MVB12B: variants seen among roughly 807,000 people sequenced by gnomAD.
The protein encoded by MVB12B is ESCRT-I complex subunit MVB12B.
In MVB12B, 16 loss-of-function variants were observed where a neutral mutation model predicts 41.6. The ratio of observed to expected loss-of-function variants is 0.38; its 90% CI spans 0.26 to 0.58. The LOEUF is 0.58. MVB12B is among the 20% of genes least tolerant of loss of function. The pLI is 0.62. For missense variants in MVB12B, 274 were observed against 380.2 expected, an observed-to-expected ratio of 0.72 and a Z score of 2.32; for synonymous variants, 133 against 139.7, an observed-to-expected ratio of 0.95 and a Z score of 0.34.
chr9:126,335,140 A>T (rs1031050717), intron 1 of MVB12B: 4 of 853,528 alleles, frequency 4.7e-6, no homozygotes, highest in African/African-American at 3.5e-5. Context: ...TATTTGCCTT[A>T]GTTGCCCAAC....
intron 7 of MVB12B, among the ~76,000 whole-genome samples, chr9:126,451,064 A>G (rs952898900): frequency 2.6e-5 from 4 of 151,976 alleles, no homozygotes; most frequent in Non-Finnish European, 5.9e-5. Context: ...AAGGTCACGT[A>G]CTCCACCCTA....
At chr9:126,501,131 G>C (rs1481146229) in intron 9 of MVB12B, among the ~76,000 whole-genome samples, 1 of 152,260 alleles carries the variant, frequency 6.6e-6, no homozygotes, top group Non-Finnish European at 1.5e-5. Context: ...GGAGTCTCCT[G>C]ACCGCGGCCT....
intron 6 of MVB12B, chr9:126,396,964 G>GCTCC (rs1831134208): frequency 1.0e-6 from 1 of 985,470 alleles, no homozygotes; most frequent in Non-Finnish European, 1.2e-6. Context: ...CCGCCCTGGA[G>GCTCC]GGCACTGCTG....
chr9:126,390,705 A>T (rs1348774301), intron 4 of MVB12B, among the ~76,000 whole-genome samples: 1 of 152,242 alleles, frequency 6.6e-6, no homozygotes, highest in Non-Finnish European at 1.5e-5. Context: ...TCACGCCTGT[A>T]ACCCCAGCAC....
intron 2 of MVB12B, among the ~76,000 whole-genome samples, chr9:126,342,749 A>C (rs933658680): frequency 6.6e-6 from 1 of 152,168 alleles, no homozygotes; most frequent in Non-Finnish European, 1.5e-5. Flanking sequence ...AGTTCAAGGA[A>C]GGCGGGGAGG....
chr9:126,422,567 T>G (rs892338294), intron 7 of MVB12B, among the ~76,000 whole-genome samples: 1 of 152,138 alleles, frequency 6.6e-6, no homozygotes, highest in Non-Finnish European at 1.5e-5. Flanking sequence ...GGTGACTTGC[T>G]AAGAGCCGAG....
chr9:126,345,120 C>T (rs1465251441), intron 2 of MVB12B, among the ~76,000 whole-genome samples: 2 of 152,068 alleles, frequency 1.3e-5, no homozygotes, highest in African/African-American at 4.8e-5. Context: ...GATATTAAAA[C>T]TCAGAGGATC....
intron 2 of MVB12B, among the ~76,000 whole-genome samples, chr9:126,343,433 A>C (rs1009331369): frequency 6.6e-6 from 1 of 152,220 alleles, no homozygotes; most frequent in African/African-American, 2.4e-5. Flanking sequence ...TTTTCGAAGA[A>C]TTGTAATGCT....
At chr9:126,482,166 G>A (rs545908505) in intron 8 of MVB12B, among the ~76,000 whole-genome samples, 1 of 138,370 alleles carries the variant, frequency 7.2e-6, no homozygotes, top group East Asian at 2.6e-4. Context: ...CCCTCCAATG[G>A]CGCCAGCCCC....
At position 126,381,139 on chromosome 9, in the gene MVB12B, CTG is replaced by C; in HGVS notation, c.284_285del (p.Cys95PhefsTer10). On this transcript the variant is annotated frameshift_variant, in exon 3 of 10. Transcript: ENST00000361171. LOFTEE classifies it high-confidence loss of function. ...ATTTAAATCCAAGGTTACCAGATAC[CTG>C]TGTTTCACAAGATCATTTTCCAAAG... is the stretch of plus-strand genomic sequence containing the variant. ...GLFKSKVTRY[L>X]CFTRSFSKEN... 1 of 1,613,990 alleles carries C rather than the reference CTG, an allele frequency of 6.2e-7. No homozygotes were observed. Among genetic ancestry groups the C allele is most frequent in the East Asian group, 2.2e-5 (1 of 44,876 alleles).
intron 7 of MVB12B, among the ~76,000 whole-genome samples, chr9:126,476,506 G>T (rs1353267940): frequency 6.6e-6 from 1 of 152,200 alleles, no homozygotes; most frequent in Non-Finnish European, 1.5e-5. Flanking sequence ...AATCATATGT[G>T]GGTGTGTGTA....
intron 1 of MVB12B, among the ~76,000 whole-genome samples, chr9:126,328,660 A>G (rs1829047341): frequency 6.6e-6 from 1 of 152,242 alleles, no homozygotes; most frequent in Non-Finnish European, 1.5e-5. Flanking sequence ...AGTCTAGCTC[A>G]GTGCCTGCTA....
chr9:126,334,615 GT>G (rs1194613494), intron 1 of MVB12B, among the ~76,000 whole-genome samples: 2 of 152,346 alleles, frequency 1.3e-5, no homozygotes, highest in East Asian at 3.9e-4. Flanking sequence ...CTCCAGGATG[GT>G]TTCATTTGTA....
chr9:126,392,307 T>C lies in MVB12B; in HGVS notation c.539+112T>C. The C allele has an allele frequency of 3.1e-6, 4 of 1,308,006 alleles. No individual in the cohort carries two copies. The highest frequency in any genetic ancestry group is 4.3e-6 in the Non-Finnish European group (4 of 932,300). The allele number at this position is 1,308,006 out of a possible 1,614,324, so 81.0% of individuals were successfully genotyped here. ...ATGCAGCCCCCCAGGCTCTCAGCCA[T>C]GGGCCTCTGTCAGCCCAGTGCTCCT... On this transcript the variant is annotated intron_variant, in intron 5 of 9. Transcript: ENST00000361171. This position sits in a 1 kb window ranked among gnomAD's most constrained non-coding sequence, Gnocchi z 4.8.
rs75948747 is a variant in MVB12B at position 126,459,589 on chromosome 9, G to A, written c.758-21780G>A. Among the ~76,000 whole-genome samples the A allele has an allele frequency of 5.0e-3, 767 of 152,314 alleles. 12 individuals are homozygous for A. Among genetic ancestry groups the A allele is most frequent in the African/African-American group, 0.018 (739 of 41,566 alleles). ...TTGTGTCTGAGGTCCCAGAGCCAAAGCCTCGGGAGGCTTGGGGCTAAGGAT... is the reference window on the plus strand; with the variant it reads ...TTGTGTCTGAGGTCCCAGAGCCAAAACCTCGGGAGGCTTGGGGCTAAGGAT... On this transcript the variant is annotated intron_variant, in intron 7 of 9. Transcript: ENST00000361171. This position sits in a 1 kb window ranked among gnomAD's most constrained non-coding sequence, Gnocchi z 4.3.
chr9:126,495,720 A>T (rs553319986), intron 9 of MVB12B, among the ~76,000 whole-genome samples: 1 of 152,176 alleles, frequency 6.6e-6, no homozygotes, highest in South Asian at 2.1e-4. Flanking sequence ...GGTGAGAATG[A>T]GGGTCTGGAA....
At chr9:126,388,531 C>T (rs1353708759) in intron 4 of MVB12B, among the ~76,000 whole-genome samples, 2 of 152,124 alleles carry the variant, frequency 1.3e-5, no homozygotes, top group Non-Finnish European at 2.9e-5. Flanking sequence ...CTTATGTTTT[C>T]GTTTCTGTTG....
chr9:126,445,078 A>G (rs1308273883), intron 7 of MVB12B, among the ~76,000 whole-genome samples: 1 of 152,214 alleles, frequency 6.6e-6, no homozygotes. Flanking sequence ...TTTAAGTTCC[A>G]AGGAAAATAC....
intron 2 of MVB12B, among the ~76,000 whole-genome samples, chr9:126,354,335 G>T (rs989893778): frequency 2.0e-5 from 3 of 151,946 alleles, no homozygotes; most frequent in African/African-American, 7.3e-5. Flanking sequence ...GTTTTGTTTC[G>T]TTTTTATGTA....
Sources: allele counts gnomAD v4.1 joint callset (sites outside exome capture counted in the v4.1 genomes callset), GRCh38; gene constraint gnomAD v4.1.1; non-coding constraint Gnocchi (gnomAD v3.1); transcripts MANE v1.5; gene names NCBI Gene and HGNC (gene_info 2026-07-23, HGNC 2026-07-21).